The following ATP2B2 variants were observed in gnomAD, a reference collection of about 807,000 sequenced individuals.
The protein encoded by ATP2B2 is ATPase plasma membrane Ca2+ transporting 2.
In ATP2B2, 15 loss-of-function variants were observed where a neutral mutation model predicts 120.0. The observed-to-expected ratio is 0.12, with a 90% CI of 0.08 to 0.19. ATP2B2 has a LOEUF of 0.19. Ranked by LOEUF, ATP2B2 falls within the 10% of genes least tolerant of loss-of-function variation. The pLI, the probability that ATP2B2 is intolerant of heterozygous loss-of-function variation, is 1.00. For missense variants in ATP2B2, 1,045 were observed against 1,719.8 expected (o/e 0.61, Z 6.94); for synonymous variants, 694 against 700.3 (o/e 0.99, Z 0.14).
At chr3:10,564,967 A>T (rs2067980368) in intron 2 of ATP2B2, among the ~76,000 whole-genome samples, 1 of 152,168 alleles carries the variant, frequency 6.6e-6, no homozygotes, top group Non-Finnish European at 1.5e-5. Flanking sequence ...ATGTGACTAA[A>T]TCCTCATCTG....
chr3:10,389,181 T>C (rs1399100493), intron 5 of ATP2B2, among the ~76,000 whole-genome samples: 1 of 151,934 alleles, frequency 6.6e-6, no homozygotes, highest in Non-Finnish European at 1.5e-5. Context: ...GAAGTGTAGC[T>C]ATGGTGGGTG....
intron 1 of ATP2B2, among the ~76,000 whole-genome samples, chr3:10,668,467 A>G (rs2071006108): frequency 6.6e-6 from 1 of 152,174 alleles, no homozygotes; most frequent in South Asian, 2.1e-4. Context: ...TTCTCTGCAC[A>G]TTATCCACCA....
chr3:10,373,375 G>A (rs2061296100), intron 11 of ATP2B2, among the ~76,000 whole-genome samples: 1 of 152,160 alleles, frequency 6.6e-6, no homozygotes, highest in South Asian at 2.1e-4. Context: ...CAGCCCACCT[G>A]TACTCTTTGA....
chr3:10,479,804 G>T (rs2065339198), intron 1 of ATP2B2, among the ~76,000 whole-genome samples: 1 of 152,148 alleles, frequency 6.6e-6, no homozygotes, highest in South Asian at 2.1e-4. Flanking sequence ...TGAATAAAAA[G>T]CCTAATTCTG....
At chr3:10,652,100 T>C (rs138820008) in intron 1 of ATP2B2, among the ~76,000 whole-genome samples, 221 of 152,264 alleles carry the variant, frequency 1.5e-3, no homozygotes, top group Non-Finnish European at 2.0e-3. Flanking sequence ...CTATTCCAGA[T>C]AATGGGGCTA....
At chr3:10,378,682 G>A (rs1034966649) in intron 9 of ATP2B2, among the ~76,000 whole-genome samples, 4 of 152,182 alleles carry the variant, frequency 2.6e-5, no homozygotes, top group African/African-American at 4.8e-5. Context: ...TCCCCCTCTC[G>A]GCCTGAACAA....
intron 1 of ATP2B2, among the ~76,000 whole-genome samples, chr3:10,701,548 A>T (rs2071817741): frequency 6.6e-6 from 1 of 151,938 alleles, no homozygotes; most frequent in African/African-American, 2.4e-5. Context: ...TTTGTATTTC[A>T]TAAGAAACGC....
intron 2 of ATP2B2, among the ~76,000 whole-genome samples, chr3:10,604,467 T>A (rs56333010): frequency 0.029 from 4,483 of 152,312 alleles, 82 homozygotes; most frequent in East Asian, 0.058. Context: ...GTGCTTCTTG[T>A]GGGCCAGGTC....
At chr3:10,694,010 A>C (rs2071706813) in intron 1 of ATP2B2, among the ~76,000 whole-genome samples, 1 of 152,214 alleles carries the variant, frequency 6.6e-6, no homozygotes, top group South Asian at 2.1e-4. Flanking sequence ...GGTTCACAGG[A>C]AGTTGCAAGG....
chr3:10,632,646 G>A (rs1164288612), intron 1 of ATP2B2, among the ~76,000 whole-genome samples: 1 of 152,204 alleles, frequency 6.6e-6, no homozygotes, highest in Non-Finnish European at 1.5e-5. Context: ...TGCCACAAAG[G>A]GACACTGGGC....
intron 2 of ATP2B2, among the ~76,000 whole-genome samples, chr3:10,610,650 G>A (rs1051845372): frequency 6.6e-6 from 1 of 152,180 alleles, no homozygotes; most frequent in South Asian, 2.1e-4. Flanking sequence ...GCAAGCAAAA[G>A]TGAGCCTCCA....
At chr3:10,421,239 A>T (rs548497351) in intron 2 of ATP2B2, among the ~76,000 whole-genome samples, 1 of 152,278 alleles carries the variant, frequency 6.6e-6, no homozygotes, top group South Asian at 2.1e-4. Context: ...ACCCTGAGAC[A>T]TGGGGCTTAT....
At chr3:10,547,925 ATG>A (rs1277454535) in intron 2 of ATP2B2, among the ~76,000 whole-genome samples, 2 of 152,196 alleles carry the variant, frequency 1.3e-5, no homozygotes, top group African/African-American at 4.8e-5. Flanking sequence ...CACCCTCCAC[ATG>A]TGTGACACCC....
chr3:10,384,528 G>A (rs1011334742), intron 8 of ATP2B2, among the ~76,000 whole-genome samples: 17 of 152,176 alleles, frequency 1.1e-4, no homozygotes, highest in Non-Finnish European at 8.8e-5. Flanking sequence ...GGCTTTGGGG[G>A]CAAGTGAATG....
At chr3:10,553,621 C>T (rs2067714573) in intron 2 of ATP2B2, among the ~76,000 whole-genome samples, 1 of 152,116 alleles carries the variant, frequency 6.6e-6, no homozygotes, top group South Asian at 2.1e-4. Context: ...GAAACTGAGG[C>T]CCTCAGAGGA....
chr3:10,587,747 TTTTG>T (rs71055825), intron 2 of ATP2B2, among the ~76,000 whole-genome samples: 90,308 of 150,976 alleles, frequency 0.6, 28,542 homozygotes, highest in East Asian at 0.91. Flanking sequence ...TTTCTGGTTT[TTTTG>T]TTTGTTTGTT....
At chr3:10,493,479 C>G (rs2066012997) in intron 1 of ATP2B2, among the ~76,000 whole-genome samples, 1 of 152,250 alleles carries the variant, frequency 6.6e-6, no homozygotes, top group South Asian at 2.1e-4. Context: ...GAATGAGGGT[C>G]AGACCCAGAA....
At chr3:10,477,483 C>T (rs1171239187) in intron 1 of ATP2B2, among the ~76,000 whole-genome samples, 9 of 152,222 alleles carry the variant, frequency 5.9e-5, no homozygotes, top group Non-Finnish European at 1.2e-4. Flanking sequence ...CAACCATCTC[C>T]ACAACCCATC....
chr3:10,346,188 GC>G lies in ATP2B2; in HGVS notation c.2405-52del. 2 of 1,576,676 alleles carry G rather than the reference GC, an allele frequency of 1.3e-6. No individual in the cohort carries two copies. The highest frequency in any genetic ancestry group is 1.7e-5 in the Admixed American group (1 of 59,664). On this transcript the variant is annotated intron_variant, in intron 16 of 22. Transcript: ENST00000360273. The surrounding 1 kb of genome is among the most constrained non-coding windows in gnomAD (Gnocchi z 4.1). ...CCCTGGGCCACTCAGGTGGGAGGCAGCCTGGGCCAGCCCTGGTCCTCGGGAG... is the reference window on the plus strand; with the variant it reads ...CCCTGGGCCACTCAGGTGGGAGGCAGCTGGGCCAGCCCTGGTCCTCGGGAG...
Sources: allele counts gnomAD v4.1 joint callset (sites outside exome capture counted in the v4.1 genomes callset), GRCh38; gene constraint gnomAD v4.1.1; non-coding constraint Gnocchi (gnomAD v3.1); transcripts MANE v1.5; gene names NCBI Gene and HGNC (gene_info 2026-07-23, HGNC 2026-07-21).